Variants in CDS2 observed in about 807,000 individuals in gnomAD.
CDS2 encodes the protein CDP-diacylglycerol synthase 2.
Under a neutral mutation model 59.0 loss-of-function variants are expected in CDS2, and 47 were observed. The observed-to-expected ratio is 0.80, with a 90% confidence interval of 0.63 to 1.02. CDS2 has a LOEUF of 1.02. CDS2 is among the 50% of genes least tolerant of loss of function. The pLI is 0.00. For missense variants in CDS2, 356 were observed against 558.9 expected, an observed-to-expected ratio of 0.64 and a Z score of 3.66; for synonymous variants, 207 against 206.4, an observed-to-expected ratio of 1.00 and a Z score of -0.02.
chr20:5,157,865 C>T (rs2090845438), intron 1 of CDS2, among the ~76,000 whole-genome samples: 1 of 152,156 alleles, frequency 6.6e-6, no homozygotes, highest in African/African-American at 2.4e-5. Flanking sequence ...ATGCAGACCA[C>T]CGTAGGCCAA....
At chr20:5,176,497 A>G in intron 3 of CDS2, 151 bp from the exon 4 acceptor site, 1 of 654,296 alleles carries the variant, frequency 1.5e-6, no homozygotes, top group East Asian at 2.7e-5. Context: ...GTGGGATGGT[A>G]TGAGAGAGGA....
In CDS2 at chr20:5,157,655, T is replaced by G. The variant is rs187620454; in HGVS notation, c.58-15868T>G. 3.3e-5 allele frequency among the ~76,000 whole-genome samples: 5 copies of G among 152,316 alleles called. No individual in the cohort carries two copies. The East Asian group carries it at 7.7e-4, about 23-fold the overall frequency. On this transcript the variant is annotated intron_variant, in intron 1 of 12. Coordinates refer to ENST00000460006, the MANE Select transcript of CDS2 (RefSeq NM_003818.4). ...GATTGAGTGTCTGGTAAGGAGCTGC[T>G]TTCTGGTTCATCCAGGGCTTCTCAC... is the stretch of plus-strand genomic sequence containing the variant.
chr20:5,168,047 T>G (rs2090925435), intron 1 of CDS2, among the ~76,000 whole-genome samples: 1 of 152,204 alleles, frequency 6.6e-6, no homozygotes, highest in African/African-American at 2.4e-5. Flanking sequence ...TTAGTTCCTC[T>G]TAGGCAAATA....
chr20:5,136,183 T>C (rs1329632145), intron 1 of CDS2, among the ~76,000 whole-genome samples: 1 of 151,932 alleles, frequency 6.6e-6, no homozygotes, highest in Non-Finnish European at 1.5e-5. Flanking sequence ...TGGCTAGTCC[T>C]GTGGTTTCAG....
rs1466249703 is a variant in CDS2, at chr20:5,156,283, G to GT, written c.58-17239dup. Among the ~76,000 whole-genome samples the GT allele has an allele frequency of 3.9e-5, 6 of 152,290 alleles. No homozygotes were observed. In the East Asian group the frequency reaches 1.2e-3, roughly 29 times the overall value. ...GGATTTGGCAACAGTGATGCGGACA[G>GT]TGTTTTCCATGGGGCACATTTCAGG... On this transcript the variant is annotated intron_variant, in intron 1 of 12. Transcript: ENST00000460006.
chr20:5,181,318 C>T (rs150394685), intron 5 of CDS2, among the ~76,000 whole-genome samples: 2 of 152,066 alleles, frequency 1.3e-5, no homozygotes, highest in African/African-American at 4.8e-5. Context: ...ATCAGTGCTG[C>T]AGTCTATTTC....
At chr20:5,149,589 A>G (rs2090772221) in intron 1 of CDS2, among the ~76,000 whole-genome samples, 1 of 152,072 alleles carries the variant, frequency 6.6e-6, no homozygotes, top group Non-Finnish European at 1.5e-5. Flanking sequence ...ATTTTTAGAA[A>G]TGGGGTCTCA....
chr20:5,181,176 C>T (rs1195176176), intron 5 of CDS2, among the ~76,000 whole-genome samples: 3 of 152,142 alleles, frequency 2.0e-5, no homozygotes, highest in Non-Finnish European at 2.9e-5. Context: ...CAATATGTTC[C>T]CAGAATTAGA....
At chr20:5,167,894 A>T (rs923945860) in intron 1 of CDS2, among the ~76,000 whole-genome samples, 24 of 152,366 alleles carry the variant, frequency 1.6e-4, no homozygotes, top group African/African-American at 5.8e-4. Flanking sequence ...ATTTGAATGC[A>T]GTGTCAGTGG....
intron 1 of CDS2, among the ~76,000 whole-genome samples, chr20:5,129,010 T>C (rs1160627523): frequency 6.6e-6 from 1 of 152,158 alleles, no homozygotes. Flanking sequence ...AGAGATAAAG[T>C]GCGAGTTGAA....
At chr20:5,141,174 A>G (rs2090690438) in intron 1 of CDS2, among the ~76,000 whole-genome samples, 1 of 152,122 alleles carries the variant, frequency 6.6e-6, no homozygotes, top group Non-Finnish European at 1.5e-5. Context: ...TCCTTGTTTG[A>G]TTGCTATAAG....
intron 2 of CDS2, among the ~76,000 whole-genome samples, chr20:5,174,259 A>G (rs1040757): frequency 0.72 from 109,275 of 151,576 alleles, 40,743 homozygotes; most frequent in African/African-American, 0.92. Flanking sequence ...TGTGCCTCCA[A>G]CTGTCCCCTT....
At chr20:5,154,303 C>T (rs962514969) in intron 1 of CDS2, among the ~76,000 whole-genome samples, 11 of 152,254 alleles carry the variant, frequency 7.2e-5, no homozygotes, top group Middle Eastern at 3.4e-3. Context: ...AGTTCACAGC[C>T]GAGGCTTTCA....
chr20:5,180,836 T>TC (rs1268996258), intron 5 of CDS2, among the ~76,000 whole-genome samples: 1 of 152,110 alleles, frequency 6.6e-6, no homozygotes, highest in Non-Finnish European at 1.5e-5. Context: ...CGAAGATCCA[T>TC]CCTCTGTAAC....
chr20:5,175,022 G>C (rs1337478127), intron 2 of CDS2, among the ~76,000 whole-genome samples, 161 bp from the exon 3 acceptor site: 1 of 152,174 alleles, frequency 6.6e-6, no homozygotes, highest in East Asian at 1.9e-4. Flanking sequence ...TAGTGGTCCT[G>C]CTCCTGCCAG....
rs923375145 is a variant in CDS2, at chr20:5,194,068, C to T, written c.*3834C>T. The T allele has an allele frequency of 2.0e-5, 3 of 152,240 alleles. No homozygotes were observed. Among genetic ancestry groups the T allele is most frequent in the Admixed American group, 6.5e-5 (1 of 15,282 alleles). 9.4% of individuals were successfully genotyped at this position (152,240 alleles called of 1,614,324 possible). On this transcript the variant is annotated 3_prime_UTR_variant, in exon 13 of 13. Transcript: ENST00000460006. ...ACAGTAAGCCGCGGATGGACTCTCA[C>T]TTGTGCTTTGGAACACTGGACTCCA...
chr20:5,179,705 A>G (rs947191654), intron 5 of CDS2, among the ~76,000 whole-genome samples: 2 of 152,232 alleles, frequency 1.3e-5, no homozygotes, highest in Non-Finnish European at 2.9e-5. Context: ...CTAGGAACAT[A>G]ATATTTCTGA....
In CDS2 at chr20:5,189,052, A is replaced by G. The variant is rs199797699; in HGVS notation, c.982-15A>G. 16 of 1,613,970 alleles carry G rather than the reference A, an allele frequency of 9.9e-6. No individual in the cohort carries two copies. The Middle Eastern group carries it at 8.3e-4, about 83-fold the overall frequency. On this transcript the variant is annotated splice_polypyrimidine_tract_variant and intron_variant, in intron 10 of 12. Transcript: ENST00000460006. Reference sequence around the variant, plus strand: ...ATGTATGCACCTAAACTTTTACTTCATTTACTCTTCTCAGAAAACGGTCCG... The same window carrying G: ...ATGTATGCACCTAAACTTTTACTTCGTTTACTCTTCTCAGAAAACGGTCCG...
intron 10 of CDS2, among the ~76,000 whole-genome samples, chr20:5,188,638 G>T (rs1331107879): frequency 6.6e-6 from 1 of 152,168 alleles, no homozygotes; most frequent in African/African-American, 2.4e-5. Flanking sequence ...AACACTTGGG[G>T]CTGGGTAATT....
Sources: gnomAD v4.1 joint callset for allele counts (sites outside exome capture counted in the v4.1 genomes callset) on GRCh38, gnomAD v4.1.1 for gene constraint, MANE v1.5 for transcripts, NCBI Gene and HGNC (gene_info 2026-07-23, HGNC 2026-07-21) for gene names.